The following THSD4 variants were observed in gnomAD, a reference collection of about 807,000 sequenced individuals.
THSD4 encodes the protein thrombospondin type-1 domain-containing protein 4.
Under a neutral mutation model 119.0 loss-of-function variants are expected in THSD4, and 69 were observed. That is an observed-to-expected ratio of 0.58 (90% CI 0.48 to 0.71). The LOEUF (loss-of-function observed/expected upper bound fraction) is 0.71, where lower values mean the gene tolerates loss of function less well. Ranked by LOEUF, THSD4 falls within the 30% of genes least tolerant of loss-of-function variation. The pLI, the probability that THSD4 is intolerant of heterozygous loss-of-function variation, is 0.00. For synonymous variants in THSD4, 524 were observed against 540.4 expected, an observed-to-expected ratio of 0.97 and a Z score of 0.42; for missense variants, 1,393 against 1,391.1, an observed-to-expected ratio of 1.00 and a Z score of -0.02.
At chr15:71,273,360 T>G (rs1383995397) in intron 6 of THSD4, among the ~76,000 whole-genome samples, 3 of 151,732 alleles carry the variant, frequency 2.0e-5, no homozygotes, top group Non-Finnish European at 4.4e-5. Flanking sequence ...AAGAAGAGAG[T>G]AGAATGGCAG....
At chr15:71,577,524 A>T (rs62022797) in intron 7 of THSD4, among the ~76,000 whole-genome samples, 23 of 152,008 alleles carry the variant, frequency 1.5e-4, no homozygotes, top group African/African-American at 5.3e-4. Context: ...TAAATTTGGT[A>T]TATGGGGAAG....
At chr15:71,654,831 C>G (rs2051157889) in intron 7 of THSD4, among the ~76,000 whole-genome samples, 1 of 152,124 alleles carries the variant, frequency 6.6e-6, no homozygotes, top group Non-Finnish European at 1.5e-5. Context: ...GTTGAGGTTA[C>G]CCTATCTCAT....
At chr15:71,550,140 T>C (rs1192298166) in intron 7 of THSD4, among the ~76,000 whole-genome samples, 7 of 152,188 alleles carry the variant, frequency 4.6e-5, no homozygotes, top group Non-Finnish European at 1.0e-4. Context: ...ATGGGGCGTA[T>C]CCCCGAAAAG....
At chr15:71,686,850 T>C (rs1480489492) in intron 8 of THSD4, among the ~76,000 whole-genome samples, 1 of 152,226 alleles carries the variant, frequency 6.6e-6, no homozygotes, top group African/African-American at 2.4e-5. Context: ...CAATAAAACT[T>C]TATTTACAAA....
chr15:71,231,259 T>A (rs1242085182), intron 4 of THSD4, among the ~76,000 whole-genome samples: 1 of 152,160 alleles, frequency 6.6e-6, no homozygotes, highest in African/African-American at 2.4e-5. Flanking sequence ...CCTGGGGTCG[T>A]TTCCCCCAGA....
chr15:71,413,340 A>G (rs2046715807), intron 7 of THSD4, among the ~76,000 whole-genome samples: 1 of 152,200 alleles, frequency 6.6e-6, no homozygotes, highest in Admixed American at 6.5e-5. Flanking sequence ...CTTAAAATAT[A>G]CAATAAATTA....
At chr15:71,760,736 G>A (rs925913757) in intron 15 of THSD4, among the ~76,000 whole-genome samples, 59 of 152,166 alleles carry the variant, frequency 3.9e-4, no homozygotes, top group African/African-American at 1.3e-3. Flanking sequence ...TCGCGAATCA[G>A]TGATCCACAA....
At chr15:71,163,815 CA>C (rs2043267183) in intron 3 of THSD4, among the ~76,000 whole-genome samples, 14 of 150,102 alleles carry the variant, frequency 9.3e-5, no homozygotes, top group Admixed American at 9.3e-4. Context: ...CTAATGTCAA[CA>C]AAAAATTTAA....
At chr15:71,380,086 CTTA>C (rs1344281122) in intron 6 of THSD4, among the ~76,000 whole-genome samples, 2 of 152,118 alleles carry the variant, frequency 1.3e-5, no homozygotes, top group African/African-American at 4.8e-5. Flanking sequence ...GACTCAGCTA[CTTA>C]TTACAAAGGC....
At chr15:71,206,830 A>C (rs976871420) in intron 3 of THSD4, among the ~76,000 whole-genome samples, 1 of 152,048 alleles carries the variant, frequency 6.6e-6, no homozygotes, top group African/African-American at 2.4e-5. Flanking sequence ...CATTTAATCT[A>C]TTTATTTTTA....
At chr15:71,616,631 T>C (rs1327955740) in intron 7 of THSD4, among the ~76,000 whole-genome samples, 1 of 152,192 alleles carries the variant, frequency 6.6e-6, no homozygotes, top group Non-Finnish European at 1.5e-5. Context: ...GTAGAAGTAG[T>C]AAGGGGCCTG....
chr15:71,711,059 T>G (rs565830370), intron 8 of THSD4, among the ~76,000 whole-genome samples: 2 of 144,416 alleles, frequency 1.4e-5, no homozygotes, highest in African/African-American at 5.4e-5. Flanking sequence ...ATATGCATGA[T>G]TATTGAAAGC....
At chr15:71,309,966 C>T (rs2045087853) in intron 6 of THSD4, among the ~76,000 whole-genome samples, 1 of 152,184 alleles carries the variant, frequency 6.6e-6, no homozygotes, top group Non-Finnish European at 1.5e-5. Flanking sequence ...TGATGGCTCT[C>T]CACCTGTATA....
At chr15:71,395,860 A>T (rs577556947) in intron 6 of THSD4, among the ~76,000 whole-genome samples, 78 of 151,882 alleles carry the variant, frequency 5.1e-4, no homozygotes, top group Middle Eastern at 3.4e-3. Context: ...TCTTCCTGCT[A>T]CAACCTTCCT....
At chr15:71,774,266 G>T (rs1391574218) in intron 17 of THSD4, among the ~76,000 whole-genome samples, 3 of 145,126 alleles carry the variant, frequency 2.1e-5, no homozygotes, top group Non-Finnish European at 3.0e-5. Context: ...AGCCATGATC[G>T]CACTACTGCA....
chr15:71,630,955 C>T (rs2050615609), intron 7 of THSD4, among the ~76,000 whole-genome samples: 1 of 152,202 alleles, frequency 6.6e-6, no homozygotes, highest in African/African-American at 2.4e-5. Context: ...TTAGCAATAC[C>T]TGTGGCCTCT....
intron 8 of THSD4, among the ~76,000 whole-genome samples, chr15:71,692,460 G>GTTTTGTTTTGTT (rs983616665): frequency 1.3e-5 from 2 of 152,064 alleles, no homozygotes; most frequent in African/African-American, 4.8e-5. Flanking sequence ...TTTTGTTTTT[G>GTTTTGTTTTGTT]TTTTGTTTTG....
chr15:71,305,054 G>C (rs1345944566), intron 6 of THSD4, among the ~76,000 whole-genome samples: 1 of 152,158 alleles, frequency 6.6e-6, no homozygotes, highest in East Asian at 1.9e-4. Flanking sequence ...CTCTTTCCCT[G>C]GTGAAAAGTG....
At chr15:71,143,343 A>T (rs1265310941) in intron 2 of THSD4, among the ~76,000 whole-genome samples, 1 of 152,120 alleles carries the variant, frequency 6.6e-6, no homozygotes, top group Non-Finnish European at 1.5e-5. Flanking sequence ...TAGTTTGTGG[A>T]AGTTCCAAAA....
Sources: allele counts gnomAD v4.1 joint callset (sites outside exome capture counted in the v4.1 genomes callset), GRCh38; gene constraint gnomAD v4.1.1; transcripts MANE v1.5; gene names NCBI Gene and HGNC (gene_info 2026-07-23, HGNC 2026-07-21).